The following CHST9 variants were observed in gnomAD, a reference collection of about 807,000 sequenced individuals.
CHST9 encodes GalNAc-4-sulfotransferase 2.
Under a neutral mutation model 44.4 loss-of-function variants are expected in CHST9, and 41 were observed. That is an observed-to-expected ratio of 0.92 (90% confidence interval 0.72 to 1.20). The LOEUF (loss-of-function observed/expected upper bound fraction) is 1.20, where lower values mean the gene tolerates loss of function less well. CHST9 is among the 50% of genes most tolerant of loss of function. The probability of loss-of-function intolerance (pLI) is 0.00; values close to 1 mark genes in which losing one functional copy is unlikely to be tolerated. For missense variants in CHST9, 504 were observed against 516.5 expected (o/e 0.98, Z 0.23); for synonymous variants, 171 against 178.4 (o/e 0.96, Z 0.33).
At chr18:27,156,169 A>G (rs1168479003) in intron 1 of CHST9, among the ~76,000 whole-genome samples, 1 of 151,822 alleles carries the variant, frequency 6.6e-6, no homozygotes, top group African/African-American at 2.4e-5. Context: ...CCAAAAAAAA[A>G]AACAGTGAAA....
chr18:26,993,126 G>A (rs2056844371), intron 4 of CHST9, among the ~76,000 whole-genome samples: 3 of 152,276 alleles, frequency 2.0e-5, no homozygotes, highest in East Asian at 1.9e-4. Context: ...GGAGGGACAC[G>A]TTATGGTTTA....
rs7240047 is a variant in CHST9, at chr18:27,068,462, T to C, written c.122-19959A>G. Among the ~76,000 whole-genome samples, 1,425 of 152,286 alleles carry C rather than the reference T, an allele frequency of 9.4e-3. 24 individuals are homozygous for C. Among genetic ancestry groups the C allele is most frequent in the African/African-American group, 0.033 (1,367 of 41,558 alleles). On this transcript the variant is annotated intron_variant, in intron 2 of 5. Transcript: ENST00000618847. ...ATCTCCCTTCAAATAATTCATATCA[T>C]TATATAAGTTTAAATCTTTGAATTA...
chr18:27,000,114 A>T (rs2056931494), intron 4 of CHST9, among the ~76,000 whole-genome samples: 2 of 152,206 alleles, frequency 1.3e-5, no homozygotes, highest in Non-Finnish European at 2.9e-5. Flanking sequence ...CAGATTCTAA[A>T]TGATATCTCC....
At chr18:26,927,721 TCAGGGATGA>T (rs142063175) in intron 5 of CHST9, among the ~76,000 whole-genome samples, 10,381 of 43,672 alleles carry the variant, frequency 0.24, 1,170 homozygotes, top group African/African-American at 0.49. Flanking sequence ...ATTCCATTGC[TCAGGGATGA>T]CAGGGATGAG....
chr18:27,052,000 A>T (rs974913753), intron 2 of CHST9, among the ~76,000 whole-genome samples: 2 of 152,130 alleles, frequency 1.3e-5, no homozygotes, highest in Non-Finnish European at 2.9e-5. Context: ...GACAAAATTC[A>T]CATGAAATAT....
chr18:26,944,197 C>A, intron 5 of CHST9, 132 bp downstream of exon 5: 2 of 699,274 alleles, frequency 2.9e-6, no homozygotes, highest in South Asian at 1.9e-5. Flanking sequence ...TGTTTTTTTC[C>A]CCAGAACCAA....
intron 4 of CHST9, among the ~76,000 whole-genome samples, chr18:26,961,155 A>G (rs558887227): frequency 6.6e-6 from 1 of 152,320 alleles, no homozygotes; most frequent in Non-Finnish European, 1.5e-5. Context: ...CTGAGCCTAC[A>G]TCATTTCCTT....
At chr18:27,111,342 G>T (rs757999301) in intron 2 of CHST9, among the ~76,000 whole-genome samples, 1 of 152,070 alleles carries the variant, frequency 6.6e-6, no homozygotes, top group African/African-American at 2.4e-5. Flanking sequence ...ACAGGGTTTT[G>T]GAAATGCAAA....
chr18:27,112,735 C>A (rs2058283620), intron 2 of CHST9, among the ~76,000 whole-genome samples: 1 of 151,564 alleles, frequency 6.6e-6, no homozygotes, highest in South Asian at 2.1e-4. Flanking sequence ...TTTTGTTAGT[C>A]ATGCAGTCAA....
At chr18:26,977,312 C>T (rs1418044161) in intron 4 of CHST9, among the ~76,000 whole-genome samples, 3 of 151,462 alleles carry the variant, frequency 2.0e-5, no homozygotes, top group African/African-American at 7.3e-5. Flanking sequence ...TAGCCTGCTG[C>T]AGGGAGTATA....
intron 2 of CHST9, among the ~76,000 whole-genome samples, chr18:27,125,071 A>G (rs894466691): frequency 1.3e-5 from 2 of 152,184 alleles, no homozygotes; most frequent in African/African-American, 4.8e-5. Flanking sequence ...AGAATTTTCA[A>G]ATTGAGGATT....
intron 3 of CHST9, among the ~76,000 whole-genome samples, chr18:27,027,770 A>G (rs1464821977): frequency 6.6e-6 from 1 of 152,234 alleles, no homozygotes; most frequent in African/African-American, 2.4e-5. Context: ...ATCATCATGT[A>G]TATTTCTCAG....
At chr18:26,941,140 C>A (rs1488363677) in intron 5 of CHST9, among the ~76,000 whole-genome samples, 2 of 152,186 alleles carry the variant, frequency 1.3e-5, no homozygotes, top group Non-Finnish European at 2.9e-5. Flanking sequence ...GCCCTAGGGA[C>A]CGAATACAGA....
intron 3 of CHST9, 72 bp downstream of exon 3, chr18:27,048,393 T>G: frequency 1.6e-6 from 2 of 1,222,218 alleles, no homozygotes; most frequent in Non-Finnish European, 2.3e-6. Flanking sequence ...TTTTGAATAA[T>G]AAATTTTAAA....
At position 27,024,154 on chromosome 18, in the gene CHST9, C is replaced by CA. The variant is rs1313848841; in HGVS notation, c.163dup (p.Trp55LeufsTer34). 1 of 1,610,006 alleles carries CA rather than the reference C, an allele frequency of 6.2e-7. No homozygotes were observed. The highest frequency in any genetic ancestry group is 8.5e-7 in the Non-Finnish European group (1 of 1,178,394). On this transcript the variant is annotated frameshift_variant, in exon 4 of 6. Coordinates refer to ENST00000618847, the MANE Select transcript of CHST9 (RefSeq NM_031422.6). LOFTEE classifies it high-confidence loss of function. The stretch of plus-strand genomic sequence containing the variant: ...AGGCCGCAAGTACTTCACTGGTCCC[C>CA]ATCCTGAAAAAGAAGAGGAAAGAAA...
chr18:26,923,368 T>G lies in CHST9; in HGVS notation c.241-6018A>C, dbSNP rs181489533. Among the ~76,000 whole-genome samples the G allele has an allele frequency of 3.6e-3, 555 of 152,348 alleles. 4 individuals are homozygous for G. Among genetic ancestry groups the G allele is most frequent in the Middle Eastern group, 0.017 (5 of 294 alleles). On this transcript the variant is annotated intron_variant, in intron 5 of 5. Transcript: ENST00000618847. ...TTGTTTAGGTAATGATCTCTCTATT[T>G]TAATTTCATTAAATGTCAGTGTGCA...
chr18:27,020,799 A>C (rs1480743798), intron 4 of CHST9, among the ~76,000 whole-genome samples: 3 of 152,192 alleles, frequency 2.0e-5, no homozygotes, highest in African/African-American at 7.2e-5. Flanking sequence ...TCTCGGAGGT[A>C]AGTTTAGTAA....
intron 4 of CHST9, among the ~76,000 whole-genome samples, chr18:26,948,851 C>A (rs902760843): frequency 1.3e-5 from 2 of 152,156 alleles, no homozygotes; most frequent in Non-Finnish European, 2.9e-5. Context: ...GTAAAGAAAT[C>A]TAAGAGGCAG....
At chr18:26,947,745 C>T (rs1201984608) in intron 4 of CHST9, among the ~76,000 whole-genome samples, 1 of 152,152 alleles carries the variant, frequency 6.6e-6, no homozygotes, top group Non-Finnish European at 1.5e-5. Flanking sequence ...AAGTCAGGAA[C>T]AACAGGTGCT....
Sources: gnomAD v4.1 joint callset for allele counts (sites outside exome capture counted in the v4.1 genomes callset) on GRCh38, gnomAD v4.1.1 for gene constraint, MANE v1.5 for transcripts, NCBI Gene and HGNC (gene_info 2026-07-23, HGNC 2026-07-21) for gene names.